The following CPA6 variants were observed in gnomAD, a reference collection of about 807,000 sequenced individuals.
CPA6 encodes carboxypeptidase B.
In CPA6, 58 loss-of-function variants were observed where a neutral mutation model predicts 63.3. The ratio of observed to expected loss-of-function variants is 0.92; its 90% confidence interval spans 0.74 to 1.14. The LOEUF (loss-of-function observed/expected upper bound fraction) is 1.14. Ranked by LOEUF, CPA6 falls within the 50% of genes most tolerant of loss-of-function variation. The probability of loss-of-function intolerance (pLI) is 0.00; values close to 1 mark genes in which losing one functional copy is unlikely to be tolerated. For missense variants in CPA6, 565 were observed against 526.6 expected (o/e 1.07, Z -0.71); for synonymous variants, 185 against 179.0 (o/e 1.03, Z -0.27).
intron 8 of CPA6, chr8:67,483,253 CT>C (rs1440601370): frequency 1.4e-4 from 22 of 152,638 alleles, no homozygotes; most frequent in African/African-American, 5.3e-4. Flanking sequence ...TGACATCTTC[CT>C]TTTATTTTAA....
intron 6 of CPA6, among the ~76,000 whole-genome samples, chr8:67,500,642 C>CT (rs1159246559): frequency 2.6e-5 from 4 of 151,670 alleles, no homozygotes; most frequent in Non-Finnish European, 5.9e-5. Flanking sequence ...TTCTTCTATG[C>CT]TTTTTTCCCC....
At chr8:67,649,204 A>G (rs7341614) in intron 1 of CPA6, among the ~76,000 whole-genome samples, 3,690 of 152,294 alleles carry the variant, frequency 0.024, 78 homozygotes, top group African/African-American at 0.053. Context: ...CATGTTGACA[A>G]AAATGTCTAG....
At position 67,718,274 on chromosome 8, in the gene CPA6, A is replaced by T. The variant is rs183446212; in HGVS notation, c.116+27740T>A. 1.6e-3 allele frequency among the ~76,000 whole-genome samples: 246 copies of T among 152,282 alleles called. 1 individual carries two copies. The highest frequency in any genetic ancestry group is 3.0e-3 in the Non-Finnish European group (203 of 68,042). ...CAGAAACTCATGCAAGGGTTTTAAGAATTGTGAGGTATTTTTTTTTAATGT... is the reference window on the plus strand; with the variant it reads ...CAGAAACTCATGCAAGGGTTTTAAGTATTGTGAGGTATTTTTTTTTAATGT... On this transcript the variant is annotated intron_variant, in intron 1 of 10. Coordinates refer to ENST00000297770, the MANE Select transcript of CPA6 (RefSeq NM_020361.5).
At chr8:67,718,154 T>G (rs1005587564) in intron 1 of CPA6, among the ~76,000 whole-genome samples, 2 of 151,508 alleles carry the variant, frequency 1.3e-5, no homozygotes, top group Non-Finnish European at 2.9e-5. Flanking sequence ...CTAGAATACC[T>G]AACTGATTCT....
intron 1 of CPA6, among the ~76,000 whole-genome samples, chr8:67,676,280 G>C (rs373191472): frequency 6.6e-6 from 1 of 152,208 alleles, no homozygotes; most frequent in Non-Finnish European, 1.5e-5. Flanking sequence ...TTCCCACCAA[G>C]TGGCATCCAA....
intron 1 of CPA6, among the ~76,000 whole-genome samples, chr8:67,630,206 G>T (rs2128987931): frequency 6.6e-6 from 1 of 151,960 alleles, no homozygotes; most frequent in Middle Eastern, 3.4e-3. Context: ...AGTGGCTGGA[G>T]CTTGTCCCTG....
intron 2 of CPA6, among the ~76,000 whole-genome samples, chr8:67,593,864 G>A (rs1814210640): frequency 6.7e-6 from 1 of 148,330 alleles, no homozygotes; most frequent in Admixed American, 6.8e-5. Context: ...CTTTTAATTG[G>A]AGCATTTAGT....
At chr8:67,714,698 T>C (rs1035457880) in intron 1 of CPA6, among the ~76,000 whole-genome samples, 1 of 152,128 alleles carries the variant, frequency 6.6e-6, no homozygotes, top group African/African-American at 2.4e-5. Context: ...AAGCTCAGGA[T>C]TAAGTGCCTT....
chr8:67,651,837 A>G (rs1815846730), intron 1 of CPA6, among the ~76,000 whole-genome samples: 1 of 151,934 alleles, frequency 6.6e-6, no homozygotes. Flanking sequence ...GGTGTGCTGC[A>G]CCCATTAACT....
chr8:67,506,058 T>TA (rs577123526), intron 6 of CPA6, among the ~76,000 whole-genome samples: 200 of 142,264 alleles, frequency 1.4e-3, no homozygotes, highest in South Asian at 2.2e-3. Flanking sequence ...AAGTCAAGGT[T>TA]AAAAAAAAAA....
At chr8:67,446,750 T>C (rs977831761) in intron 8 of CPA6, among the ~76,000 whole-genome samples, 12 of 152,306 alleles carry the variant, frequency 7.9e-5, no homozygotes, top group Non-Finnish European at 1.5e-4. Context: ...TTCTCATAAA[T>C]GGAATCACAA....
At chr8:67,514,557 A>G (rs1188796880) in intron 3 of CPA6, among the ~76,000 whole-genome samples, 1 of 152,236 alleles carries the variant, frequency 6.6e-6, no homozygotes, top group African/African-American at 2.4e-5. Context: ...TCTTGGGACC[A>G]ATGAAATGAA....
rs117004281 is a variant in CPA6, at chr8:67,448,398, A to C, written c.839-14158T>G. 1.4e-4 allele frequency among the ~76,000 whole-genome samples: 21 copies of C among 152,080 alleles called. No homozygotes were observed. In the East Asian group the frequency reaches 3.9e-3, roughly 28 times the overall value. ...AAGAAAGTTTTCCCTTGGGAGGCTG[A>C]GGTGGGCAGATCACTTCCATTTAGG... On this transcript the variant is annotated intron_variant, in intron 8 of 10. Transcript: ENST00000297770.
intron 1 of CPA6, among the ~76,000 whole-genome samples, chr8:67,680,336 T>C (rs1334182747): frequency 6.6e-6 from 1 of 151,940 alleles, no homozygotes; most frequent in Admixed American, 6.6e-5. Context: ...ACCCCATTTC[T>C]ACAAAAAAAT....
chr8:67,616,612 T>C (rs1007686066), intron 2 of CPA6, among the ~76,000 whole-genome samples: 8 of 151,632 alleles, frequency 5.3e-5, no homozygotes, highest in Non-Finnish European at 1.2e-4. Context: ...CAGACTCTCT[T>C]GTACATACCT....
chr8:67,681,159 A>G, intron 1 of CPA6, among the ~76,000 whole-genome samples: 1 of 144,584 alleles, frequency 6.9e-6, no homozygotes, highest in Non-Finnish European at 1.5e-5. Context: ...TTGGTGTCAT[A>G]TGTAAGAAAT....
intron 6 of CPA6, among the ~76,000 whole-genome samples, chr8:67,505,464 A>G (rs1424274087): frequency 6.6e-6 from 1 of 152,194 alleles, no homozygotes; most frequent in Non-Finnish European, 1.5e-5. Flanking sequence ...TTCTTCAATA[A>G]TATACATGAC....
At chr8:67,428,277 G>T in intron 9 of CPA6, 146 bp from the exon 10 acceptor site, 1 of 537,318 alleles carries the variant, frequency 1.9e-6, no homozygotes, top group South Asian at 2.4e-5. Context: ...TTACTCTTAT[G>T]TCACACGCTA....
chr8:67,684,378 T>G (rs992132189), intron 1 of CPA6, among the ~76,000 whole-genome samples: 1 of 152,142 alleles, frequency 6.6e-6, no homozygotes, highest in Non-Finnish European at 1.5e-5. Flanking sequence ...TTACTAAAAA[T>G]GCAAATACAA....
Sources: gnomAD v4.1 joint callset for allele counts (sites outside exome capture counted in the v4.1 genomes callset) on GRCh38, gnomAD v4.1.1 for gene constraint, MANE v1.5 for transcripts, NCBI Gene and HGNC (gene_info 2026-07-23, HGNC 2026-07-21) for gene names.